The following PTPN13 variants were observed in gnomAD, a reference collection of about 807,000 sequenced individuals.
PTPN13 encodes protein tyrosine phosphatase non-receptor type 13, also known as tyrosine-protein phosphatase non-receptor type 13.
In PTPN13, 191 loss-of-function variants were observed where a neutral mutation model predicts 284.0. That is an observed-to-expected ratio of 0.67 (90% CI 0.60 to 0.76). The LOEUF (loss-of-function observed/expected upper bound fraction) is 0.76. PTPN13 is among the 30% of genes least tolerant of loss of function. PTPN13 has a pLI of 0.00. For synonymous variants in PTPN13, 986 were observed against 1,022.3 expected (o/e 0.96, Z 0.68); for missense variants, 2,797 against 2,939.9 (o/e 0.95, Z 1.12).
At chr4:86,722,175 C>A in intron 9 of PTPN13, 37 bp from the exon 10 acceptor site, 2 of 1,531,050 alleles carry the variant, frequency 1.3e-6, no homozygotes, top group Non-Finnish European at 1.8e-6. Flanking sequence ...CAATTGTTTT[C>A]CTCCCAATCC....
At chr4:86,616,345 G>GCCTCATAGAGATGTTA (rs1274147152) in intron 1 of PTPN13, among the ~76,000 whole-genome samples, 1 of 152,142 alleles carries the variant, frequency 6.6e-6, no homozygotes, top group Non-Finnish European at 1.5e-5. Context: ...GTCAAGGAAG[G>GCCTCATAGAGATGTTA]CCTCATAGAG....
At chr4:86,813,274 A>G (rs964336215) in intron 47 of PTPN13, among the ~76,000 whole-genome samples, 6 of 152,112 alleles carry the variant, frequency 3.9e-5, no homozygotes, top group Non-Finnish European at 8.8e-5. Flanking sequence ...ATTACTTTTC[A>G]TTTAATATAT....
intron 7 of PTPN13, among the ~76,000 whole-genome samples, chr4:86,711,519 G>A (rs1420621): frequency 0.19 from 28,425 of 151,856 alleles, 3,082 homozygotes; most frequent in East Asian, 0.27. Flanking sequence ...TCTCCCATTC[G>A]CTCTTTTCTT....
At chr4:86,702,469 A>G (rs1731271329) in intron 7 of PTPN13, among the ~76,000 whole-genome samples, 1 of 152,218 alleles carries the variant, frequency 6.6e-6, no homozygotes. Context: ...CTCCATCTAT[A>G]AAATGGGCTT....
chr4:86,672,627 T>A, intron 3 of PTPN13, 84 bp downstream of exon 3: 1 of 1,074,222 alleles, frequency 9.3e-7, no homozygotes, highest in Non-Finnish European at 1.3e-6. Context: ...GTTTCAACCC[T>A]CTGAAAAATC....
chr4:86,773,498 TA>T (rs533084588), intron 32 of PTPN13, among the ~76,000 whole-genome samples: 54 of 152,266 alleles, frequency 3.5e-4, no homozygotes, highest in African/African-American at 1.2e-3. Context: ...AACCTACAAA[TA>T]AGATTTAGAA....
At chr4:86,620,586 CCTAGAA>C (rs1188298324) in intron 1 of PTPN13, among the ~76,000 whole-genome samples, 1 of 152,168 alleles carries the variant, frequency 6.6e-6, no homozygotes, top group East Asian at 1.9e-4. Context: ...AGTTTCATGA[CCTAGAA>C]CTGTACTAGA....
intron 7 of PTPN13, 69 bp downstream of exon 7, chr4:86,701,870 G>T (rs1370465396): frequency 7.2e-7 from 1 of 1,397,682 alleles, no homozygotes; most frequent in Non-Finnish European, 9.5e-7. Flanking sequence ...ATAAAGAAGG[G>T]TTATTAAATT....
At chr4:86,754,760 T>C (rs1737782298) in intron 20 of PTPN13, among the ~76,000 whole-genome samples, 1 of 152,102 alleles carries the variant, frequency 6.6e-6, no homozygotes, top group African/African-American at 2.4e-5. Context: ...AAAAAGAATA[T>C]GAATGTACAT....
intron 40 of PTPN13, among the ~76,000 whole-genome samples, chr4:86,795,347 T>C (rs1029795855): frequency 6.6e-6 from 1 of 152,206 alleles, no homozygotes; most frequent in Non-Finnish European, 1.5e-5. Flanking sequence ...AGATACCATC[T>C]CATGCCGGTT....
At chr4:86,682,809 G>T (rs1359176011) in intron 3 of PTPN13, among the ~76,000 whole-genome samples, 1 of 152,174 alleles carries the variant, frequency 6.6e-6, no homozygotes, top group Admixed American at 6.6e-5. Context: ...TGAATAAAGT[G>T]TATGGAAGCA....
chr4:86,624,661 T>G (rs1348077744), intron 1 of PTPN13, among the ~76,000 whole-genome samples: 1 of 152,082 alleles, frequency 6.6e-6, no homozygotes, highest in Non-Finnish European at 1.5e-5. Context: ...GGGTTAAAGC[T>G]TTATCCAAAA....
chr4:86,642,651 C>T (rs1209788078), intron 2 of PTPN13, among the ~76,000 whole-genome samples: 1 of 151,706 alleles, frequency 6.6e-6, no homozygotes, highest in Non-Finnish European at 1.5e-5. Flanking sequence ...GACGGGGTTT[C>T]ACCATGTTGG....
chr4:86,623,625 ATTTTGATC>A (rs2148671722), intron 1 of PTPN13, among the ~76,000 whole-genome samples: 1 of 152,234 alleles, frequency 6.6e-6, no homozygotes, highest in South Asian at 2.1e-4. Flanking sequence ...GACTTTAGGG[ATTTTGATC>A]TTTTGAGATT....
In PTPN13 at chr4:86,741,779, G is replaced by A. The variant is rs373380309; in HGVS notation, c.2450G>A (p.Arg817His). Reference sequence around the variant, plus strand: ...AATGGAGTGCGCACATTGGTCCTTCGCTTTCCATGGAGGGAAACCAAGAAA... The same window carrying A: ...AATGGAGTGCGCACATTGGTCCTTCACTTTCCATGGAGGGAAACCAAGAAA... ...VHNGVRTLVL[R>H]FPWRETKKIS... Residue 817 changes from arginine to histidine, a missense_variant, in exon 16 of 48, where the codon CGC (arginine) becomes CAC (histidine). Physicochemically the swap from Arg to His is conservative, Grantham distance 29. Coordinates refer to ENST00000411767, the MANE Select transcript of PTPN13 (RefSeq NM_080683.3). The A allele has an allele frequency of 1.7e-4, 278 of 1,610,290 alleles. No individual in the cohort carries two copies. The highest frequency in any genetic ancestry group is 8.2e-4 in the Middle Eastern group (5 of 6,074).
intron 7 of PTPN13, among the ~76,000 whole-genome samples, chr4:86,709,101 G>A (rs1279033915): frequency 2.6e-5 from 4 of 151,960 alleles, no homozygotes; most frequent in Admixed American, 6.6e-5. Context: ...ACACACTTGT[G>A]TGGATGGATG....
intron 40 of PTPN13, among the ~76,000 whole-genome samples, chr4:86,789,466 A>G (rs768781999): frequency 6.6e-6 from 1 of 152,154 alleles, no homozygotes; most frequent in Admixed American, 6.5e-5. Flanking sequence ...CTAATATGCT[A>G]TAGTGCTGTG....
At chr4:86,635,414 A>G (rs1461702618) in intron 2 of PTPN13, 43 bp downstream of exon 2, 5 of 1,553,144 alleles carry the variant, frequency 3.2e-6, no homozygotes, top group Non-Finnish European at 3.5e-6. Flanking sequence ...TTGTTTCAGT[A>G]TTGGGTACTT....
intron 35 of PTPN13, 132 bp from the exon 36 acceptor site, chr4:86,780,270 C>T (rs1741145723): frequency 2.8e-6 from 2 of 701,926 alleles, no homozygotes; most frequent in African/African-American, 1.8e-5. Context: ...CATGGTGGCA[C>T]ATGCCTGTGG....
Sources: gnomAD v4.1 joint callset for allele counts (sites outside exome capture counted in the v4.1 genomes callset) on GRCh38, gnomAD v4.1.1 for gene constraint, MANE v1.5 for transcripts, NCBI Gene and HGNC (gene_info 2026-07-23, HGNC 2026-07-21) for gene names.